PRR5: variants seen among roughly 807,000 people sequenced by gnomAD.
PRR5 encodes the protein proline rich 5, also known as proline-rich protein 5.
In PRR5, 25 loss-of-function variants were observed where a neutral mutation model predicts 30.6. The ratio of observed to expected loss-of-function variants is 0.82; its 90% CI spans 0.60 to 1.14. PRR5 has a LOEUF of 1.14. PRR5 is among the 50% of genes most tolerant of loss of function. PRR5 has a pLI of 0.00. For missense variants in PRR5, 600 were observed against 547.1 expected, an observed-to-expected ratio of 1.10 and a Z score of -0.96; for synonymous variants, 286 against 247.1, an observed-to-expected ratio of 1.16 and a Z score of -1.48.
upstream of PRR5, chr22:44,677,030 A>G (rs75231079): frequency 0.047 from 7,186 of 152,360 alleles, 344 homozygotes; most frequent in African/African-American, 0.12. Context: ...CCCTTTGGCC[A>G]TGTGAACGCC....
intron 1 of PRR5, chr22:44,679,666 A>T (rs1168144961): frequency 2.5e-6 from 2 of 795,420 alleles, no homozygotes; most frequent in African/African-American, 3.5e-5. Flanking sequence ...AGATCGCCCC[A>T]TTGCACTCCA....
intron 2 of PRR5, 90 bp from the exon 3 acceptor site, chr22:44,725,154 C>G (rs903842054): frequency 1.3e-6 from 2 of 1,577,396 alleles, no homozygotes; most frequent in East Asian, 4.5e-5. Flanking sequence ...TGATCTCCCC[C>G]TGCCCAGGAG....
intron 1 of PRR5, among the ~76,000 whole-genome samples, chr22:44,706,027 T>A (rs1009127451): frequency 1.3e-5 from 2 of 152,146 alleles, no homozygotes; most frequent in African/African-American, 4.8e-5. Context: ...CTCAAACTCC[T>A]GACCTCTGGT....
At chr22:44,695,923 CTT>C (rs79228617) in intron 1 of PRR5, among the ~76,000 whole-genome samples, 44 of 73,334 alleles carry the variant, frequency 6.0e-4, no homozygotes, top group African/African-American at 2.1e-3. Flanking sequence ...ATTCTGACAA[CTT>C]TTTTTTTTTT....
intron 3 of PRR5, among the ~76,000 whole-genome samples, chr22:44,725,727 C>T (rs978684616): frequency 9.9e-5 from 15 of 152,004 alleles, no homozygotes; most frequent in Admixed American, 4.6e-4. Context: ...TGCAGTGGCG[C>T]GATCTCAGCT....
At chr22:44,729,438 G>A (rs1921503186) in intron 4 of PRR5, 1 of 985,404 alleles carries the variant, frequency 1.0e-6, no homozygotes, top group Non-Finnish European at 1.2e-6. Context: ...CCGCTCGCCT[G>A]CATCAGCCCC....
chr22:44,736,443 A>C (rs743893), intron 7 of PRR5, among the ~76,000 whole-genome samples: 1 of 152,116 alleles, frequency 6.6e-6, no homozygotes, highest in Non-Finnish European at 1.5e-5. Context: ...GCCAAAGTCC[A>C]TACACTTCCA....
chr22:44,732,311 A>T lies in PRR5; in HGVS notation c.475A>T (p.Ser159Cys), dbSNP rs1180390847. 6.2e-7 allele frequency: 1 copy of T among 1,612,410 alleles called. No individual in the cohort carries two copies. The highest frequency in any genetic ancestry group is 1.1e-5 in the South Asian group (1 of 91,058). Residue 159 changes from serine (S) to cysteine (C), a missense_variant, in exon 6 of 8, where the codon AGT (serine) becomes TGT (cysteine). Ser to Cys is a moderately radical substitution (Grantham distance 112). Coordinates refer to ENST00000336985, the MANE Select transcript of PRR5 (RefSeq NM_181333.4). ...LLHFRNAITL[S>C]VKLEDALARA... ...GCACTTCCGGAATGCCATCACCCTC[A>T]GTGTGAAGCTAGAGGATGCGCTGGC...
At chr22:44,729,469 C>G in intron 4 of PRR5, 1 of 985,594 alleles carries the variant, frequency 1.0e-6, no homozygotes, top group South Asian at 4.7e-5. Context: ...AGGCTGGAGC[C>G]AAGGTACGGC....
intron 1 of PRR5, among the ~76,000 whole-genome samples, chr22:44,686,831 C>T (rs1050325628): frequency 6.6e-6 from 1 of 152,198 alleles, no homozygotes; most frequent in Non-Finnish European, 1.5e-5. Flanking sequence ...CCAGGCAGGT[C>T]TTGAACTCCT....
At chr22:44,678,217 G>C (rs9626511) in intron 1 of PRR5, among the ~76,000 whole-genome samples, 25,393 of 151,766 alleles carry the variant, frequency 0.17, 2,985 homozygotes, top group African/African-American at 0.31. Context: ...CATGCAGTCT[G>C]TTCCTGCTCA....
intron 1 of PRR5, among the ~76,000 whole-genome samples, chr22:44,696,235 C>T (rs1925734402): frequency 6.6e-6 from 1 of 152,132 alleles, no homozygotes; most frequent in Non-Finnish European, 1.5e-5. Context: ...ATTCTGACAA[C>T]TTTGACACAA....
chr22:44,687,511 C>G (rs1254234686), intron 1 of PRR5, among the ~76,000 whole-genome samples: 5 of 152,186 alleles, frequency 3.3e-5, no homozygotes, highest in African/African-American at 9.7e-5. Flanking sequence ...ACACTTTTTC[C>G]TACCTCAAGC....
At chr22:44,725,382 G>A (rs947314267) in intron 3 of PRR5, 90 bp downstream of exon 3, 61 of 1,554,324 alleles carry the variant, frequency 3.9e-5, no homozygotes, top group Non-Finnish European at 4.6e-5. Context: ...GGTGTGGAGC[G>A]CCGGCTCCCC....
intron 2 of PRR5, among the ~76,000 whole-genome samples, chr22:44,716,356 T>C (rs1345787154): frequency 6.6e-6 from 1 of 152,228 alleles, no homozygotes; most frequent in African/African-American, 2.4e-5. Flanking sequence ...GAAGCCTTGC[T>C]CTGTGCCAGC....
upstream of PRR5, among the ~76,000 whole-genome samples, chr22:44,672,874 A>G (rs1188167888): frequency 6.6e-6 from 1 of 152,218 alleles, no homozygotes; most frequent in South Asian, 2.1e-4. Flanking sequence ...GCCCAGAGCC[A>G]TAGCAAGGGG....
chr22:44,684,080 G>A lies in PRR5; in HGVS notation c.-11+6840G>A, dbSNP rs527681862. Reference sequence around the variant, plus strand: ...TCCAGAATTGATTGAGGGTCCAGGAGGGCCCGGGCCAGAGGGGTGGGCTGA... The same window carrying A: ...TCCAGAATTGATTGAGGGTCCAGGAAGGCCCGGGCCAGAGGGGTGGGCTGA... On this transcript the variant is annotated intron_variant, in intron 1 of 8. Transcript: ENST00000006251. Among the ~76,000 whole-genome samples, 8 of 152,316 alleles carry A rather than the reference G, an allele frequency of 5.3e-5. No individual in the cohort carries two copies. The East Asian group carries it at 1.4e-3, about 26-fold the overall frequency.
intron 1 of PRR5, among the ~76,000 whole-genome samples, chr22:44,689,822 T>C (rs774054706): frequency 1.3e-5 from 2 of 152,192 alleles, no homozygotes; most frequent in Non-Finnish European, 2.9e-5. Context: ...CTAATTTTTG[T>C]ATTTTTAGTA....
chr22:44,712,412 A>G (rs1252521738), intron 1 of PRR5, among the ~76,000 whole-genome samples: 3 of 152,192 alleles, frequency 2.0e-5, no homozygotes, highest in African/African-American at 7.2e-5. Context: ...CATGTGGGAT[A>G]TGCAGCCTGT....
Sources: allele counts gnomAD v4.1 joint callset (sites outside exome capture counted in the v4.1 genomes callset), GRCh38; gene constraint gnomAD v4.1.1; transcripts MANE v1.5; gene names NCBI Gene and HGNC (gene_info 2026-07-23, HGNC 2026-07-21).